Variants in WDFY3 observed in about 807,000 individuals in gnomAD.
WDFY3 encodes the protein WD repeat and FYVE domain containing 3.
A neutral mutation model predicts 409.6 loss-of-function variants in WDFY3; 66 were observed. The observed-to-expected ratio is 0.16, with a 90% confidence interval of 0.13 to 0.20. The LOEUF (loss-of-function observed/expected upper bound fraction) is 0.20. Ranked by LOEUF, WDFY3 falls within the 10% of genes least tolerant of loss-of-function variation. The probability of loss-of-function intolerance (pLI) is 1.00; values close to 1 mark genes in which losing one functional copy is unlikely to be tolerated. For synonymous variants in WDFY3, 1,521 were observed against 1,537.1 expected, an observed-to-expected ratio of 0.99 and a Z score of 0.25; for missense variants, 3,031 against 4,298.1, an observed-to-expected ratio of 0.71 and a Z score of 8.24.
chr4:84,740,753 A>G (rs1738266218), intron 38 of WDFY3, among the ~76,000 whole-genome samples: 1 of 152,168 alleles, frequency 6.6e-6, no homozygotes, highest in East Asian at 1.9e-4. Context: ...GTTAGGATAA[A>G]TGATCTATAT....
chr4:84,841,950 A>T (rs575732050), intron 5 of WDFY3, among the ~76,000 whole-genome samples: 6 of 152,314 alleles, frequency 3.9e-5, no homozygotes, highest in African/African-American at 1.4e-4. Flanking sequence ...TAAGTAATAC[A>T]CAGAGGAATA....
intron 2 of WDFY3, among the ~76,000 whole-genome samples, chr4:84,918,012 T>C (rs1479735835): frequency 1.3e-5 from 2 of 152,100 alleles, no homozygotes; most frequent in African/African-American, 4.8e-5. Context: ...ATACCATTTC[T>C]TTGCCCTTCA....
intron 5 of WDFY3, among the ~76,000 whole-genome samples, chr4:84,847,917 A>G (rs1215354731): frequency 6.6e-6 from 1 of 151,022 alleles, no homozygotes. Context: ...AATGAGAAAA[A>G]TATAATGTCA....
intron 7 of WDFY3, among the ~76,000 whole-genome samples, chr4:84,833,496 G>A (rs1324193098): frequency 6.6e-6 from 1 of 151,846 alleles, no homozygotes; most frequent in Non-Finnish European, 1.5e-5. Flanking sequence ...GGGCAACATG[G>A]TAAAACTCCA....
chr4:84,720,730 G>A (rs533936386), intron 47 of WDFY3, among the ~76,000 whole-genome samples: 6 of 152,298 alleles, frequency 3.9e-5, no homozygotes, highest in African/African-American at 1.4e-4. Context: ...TAGAAGCGTT[G>A]AGCCAAACAA....
Position 84,895,170 on chromosome 4 carries a change from T to C in WDFY3, c.-32+1741A>G, listed in dbSNP as rs143030834. On this transcript the variant is annotated intron_variant, in intron 3 of 67. Coordinates refer to ENST00000295888, the MANE Select transcript of WDFY3 (RefSeq NM_014991.6). ...GTTAACATTTACTTTCTTATTCATT[T>C]AATAACACTTGTTACATGCAAGTAC... Among the ~76,000 whole-genome samples, 290 of 152,318 alleles carry C rather than the reference T, an allele frequency of 1.9e-3. 2 individuals carry two copies. The highest frequency in any genetic ancestry group is 6.6e-3 in the African/African-American group (275 of 41,574).
At position 84,742,859 on chromosome 4, in the gene WDFY3, C is replaced by G. The variant is rs114617732; in HGVS notation, c.6073+841G>C. ...GGGACCACTGCTTTAAGCCCTTCCT[C>G]CACAGAAATTCTGGAGGTGCCACAG... On this transcript the variant is annotated intron_variant, in intron 37 of 67. Transcript: ENST00000295888. Among the ~76,000 whole-genome samples the G allele has an allele frequency of 4.3e-3, 654 of 152,320 alleles. 2 individuals are homozygous for G. The highest frequency in any genetic ancestry group is 0.014 in the African/African-American group (568 of 41,580).
At chr4:84,813,744 A>G (rs1011753420) in intron 13 of WDFY3, among the ~76,000 whole-genome samples, 16 of 152,196 alleles carry the variant, frequency 1.1e-4, no homozygotes, top group Admixed American at 2.6e-4. Context: ...AAATCCAATT[A>G]ATAAGGTACC....
chr4:84,773,697 A>C (rs569474129), intron 29 of WDFY3, among the ~76,000 whole-genome samples: 1 of 152,306 alleles, frequency 6.6e-6, no homozygotes, highest in South Asian at 2.1e-4. Context: ...TTCTTAAGCT[A>C]AAGTTTTAGA....
intron 26 of WDFY3, among the ~76,000 whole-genome samples, chr4:84,779,282 A>T (rs1746098314): frequency 6.6e-6 from 1 of 152,236 alleles, no homozygotes; most frequent in Non-Finnish European, 1.5e-5. Context: ...CAGTATATTC[A>T]TTATCAATAA....
At chr4:84,937,717 G>A (rs1301023948) in intron 1 of WDFY3, among the ~76,000 whole-genome samples, 1 of 152,022 alleles carries the variant, frequency 6.6e-6, no homozygotes, top group African/African-American at 2.4e-5. Flanking sequence ...TTTAAAAAAT[G>A]ACATAAAAGA....
chr4:84,867,627 CACCCAAA>C (rs912546354), intron 3 of WDFY3, among the ~76,000 whole-genome samples: 5 of 152,264 alleles, frequency 3.3e-5, no homozygotes, highest in African/African-American at 1.2e-4. Flanking sequence ...TAAACTTGCT[CACCCAAA>C]ATCATTTAAA....
At chr4:84,801,238 A>G (rs1441986911) in intron 17 of WDFY3, among the ~76,000 whole-genome samples, 1 of 152,202 alleles carries the variant, frequency 6.6e-6, no homozygotes, top group African/African-American at 2.4e-5. Flanking sequence ...AGGTGTAACT[A>G]CTGGAGGAAA....
intron 3 of WDFY3, among the ~76,000 whole-genome samples, chr4:84,880,670 CATACATATATAT>C (rs1406821560): frequency 5.4e-5 from 3 of 55,202 alleles, no homozygotes; most frequent in African/African-American, 2.4e-4. Context: ...ATAAGGGAAC[CATACATATATAT>C]ATATATATAT....
intron 2 of WDFY3, among the ~76,000 whole-genome samples, chr4:84,916,228 T>C (rs888868575): frequency 6.6e-6 from 1 of 152,114 alleles, no homozygotes; most frequent in African/African-American, 2.4e-5. Context: ...TCAGTTCATC[T>C]AGTAAGTTCA....
intron 1 of WDFY3, among the ~76,000 whole-genome samples, chr4:84,939,395 TAC>T (rs374380169): frequency 8.9e-4 from 135 of 152,276 alleles, no homozygotes; most frequent in Middle Eastern, 3.4e-3. Flanking sequence ...TTGCAATTAG[TAC>T]ACAGTCTGTG....
intron 55 of WDFY3, 116 bp downstream of exon 55, chr4:84,704,222 G>T: frequency 1.4e-6 from 1 of 718,330 alleles, no homozygotes; most frequent in Non-Finnish European, 2.1e-6. Flanking sequence ...TAACTACTTT[G>T]TCACTAAAAT....
chr4:84,933,796 G>A (rs751056024), intron 1 of WDFY3, among the ~76,000 whole-genome samples: 9 of 151,980 alleles, frequency 5.9e-5, no homozygotes, highest in Non-Finnish European at 1.3e-4. Flanking sequence ...TCTGCACCTG[G>A]CTTATTCTGC....
intron 36 of WDFY3, among the ~76,000 whole-genome samples, chr4:84,746,713 G>A (rs535083341): frequency 6.6e-6 from 1 of 152,088 alleles, no homozygotes; most frequent in Non-Finnish European, 1.5e-5. Context: ...TGTCTCGGAG[G>A]TGTTCTTTTT....
Sources: allele counts gnomAD v4.1 joint callset (sites outside exome capture counted in the v4.1 genomes callset), GRCh38; gene constraint gnomAD v4.1.1; transcripts MANE v1.5; gene names NCBI Gene and HGNC (gene_info 2026-07-23, HGNC 2026-07-21).